DNAH11: variants seen among roughly 807,000 people sequenced by gnomAD.
DNAH11 encodes axonemal beta dynein heavy chain 11.
A neutral mutation model predicts 526.0 loss-of-function variants in DNAH11; 442 were observed. The observed-to-expected ratio is 0.84, with a 90% CI of 0.78 to 0.91. The LOEUF (loss-of-function observed/expected upper bound fraction) is 0.91, where lower values mean the gene tolerates loss of function less well. Among genes scored for constraint, DNAH11 ranks in the 40% least tolerant of loss-of-function variants. DNAH11 has a pLI of 0.00. For missense variants in DNAH11, 6,989 were observed against 5,448.7 expected (o/e 1.28, Z -8.90); for synonymous variants, 2,461 against 1,935.9 (o/e 1.27, Z -7.12).
intron 55 of DNAH11, among the ~76,000 whole-genome samples, chr7:21,772,597 G>C (rs982860579): frequency 1.3e-5 from 2 of 151,946 alleles, no homozygotes; most frequent in African/African-American, 4.8e-5. Flanking sequence ...TTCACTGTTT[G>C]GAAATATATT....
chr7:21,702,639 C>T lies in DNAH11; in HGVS notation c.6181-71C>T, dbSNP rs1583608576. The stretch of plus-strand genomic sequence containing the variant: ...TGAACTCCTTCTTAAAAACTTTCAG[C>T]TCTTACCTCTGGAATGAGAATCTTC... On this transcript the variant is annotated intron_variant, in intron 36 of 81. Coordinates refer to ENST00000409508, the MANE Select transcript of DNAH11 (RefSeq NM_001277115.2). 4 of 1,339,892 alleles carry T rather than the reference C, an allele frequency of 3.0e-6. No individual in the cohort carries two copies. In the East Asian group the frequency reaches 9.5e-5, roughly 32 times the overall value. The allele number at this position is 1,339,892 out of a possible 1,614,324, so 83.0% of individuals were successfully genotyped here. A position where few individuals can be genotyped will look rare whatever the true frequency, so the allele number is the denominator to read the frequency against.
rs1387113676 is a variant in DNAH11, at chr7:21,545,272, G to GT, written c.495+125dup. On this transcript the variant is annotated intron_variant, in intron 2 of 81. Coordinates refer to ENST00000409508, the MANE Select transcript of DNAH11 (RefSeq NM_001277115.2). ...AGGGGAAGGGAAGGGGATGGGGGTG[G>GT]TTAAAAAAAAAAAAAAAAAAAAAAG... is the stretch of plus-strand genomic sequence containing the variant. 29 of 112,872 alleles carry GT rather than the reference G, an allele frequency of 2.6e-4. 1 individual carries two copies. Among genetic ancestry groups the GT allele is most frequent in the Non-Finnish European group, 2.5e-5 (2 of 79,864 alleles). The allele number at this position is 112,872 out of a possible 1,614,324, so 7.0% of individuals were successfully genotyped here. A position where few individuals can be genotyped will look rare whatever the true frequency, so the allele number is the denominator to read the frequency against.
At chr7:21,651,951 C>T (rs983480156) in intron 28 of DNAH11, among the ~76,000 whole-genome samples, 2 of 152,250 alleles carry the variant, frequency 1.3e-5, no homozygotes, top group African/African-American at 4.8e-5. Context: ...CACACACAGA[C>T]AGCTAAGCTT....
Position 21,779,201 on chromosome 7 carries a change from C to G in DNAH11, c.9483+97C>G, listed in dbSNP as rs752665110. 18 of 1,400,960 alleles carry G rather than the reference C, an allele frequency of 1.3e-5. No homozygotes were observed. In the Admixed American group the frequency reaches 3.3e-4, roughly 26 times the overall value. 86.8% of individuals were successfully genotyped at this position (1,400,960 alleles called of 1,614,324 possible). A position where few individuals can be genotyped will look rare whatever the true frequency, so the allele number is the denominator to read the frequency against. ...TTTGAACAACTTCCTCTCCAGGGAG[C>G]ATAAAGTCTAAAGAATTATTATAGT... is the stretch of plus-strand genomic sequence containing the variant. On this transcript the variant is annotated intron_variant, in intron 57 of 81. Coordinates refer to ENST00000409508, the MANE Select transcript of DNAH11 (RefSeq NM_001277115.2).
chr7:21,582,649 C>G (rs1018983009), intron 9 of DNAH11, among the ~76,000 whole-genome samples: 2 of 151,978 alleles, frequency 1.3e-5, no homozygotes, highest in Non-Finnish European at 2.9e-5. Context: ...ATAGTGTCCC[C>G]AGATGAAAAG....
intron 35 of DNAH11, among the ~76,000 whole-genome samples, chr7:21,691,477 G>A (rs1230885804): frequency 6.6e-6 from 1 of 151,918 alleles, no homozygotes; most frequent in East Asian, 1.9e-4. Flanking sequence ...GCAAAGCCAG[G>A]GCCTAGCCCA....
Position 21,606,555 on chromosome 7 carries a change from C to A in DNAH11, c.3765+13C>A. ...TATTTTGTTTGACGTAAGCTAGTTA[C>A]CAAGTTTTTGTTTTAAGAAAGGTTT... On this transcript the variant is annotated intron_variant, in intron 19 of 81. Transcript: ENST00000409508. 6.3e-7 allele frequency: 1 copy of A among 1,595,696 alleles called. No homozygotes were observed.
chr7:21,551,982 C>A (rs926337532), intron 2 of DNAH11, among the ~76,000 whole-genome samples: 15 of 152,172 alleles, frequency 9.9e-5, no homozygotes, highest in Admixed American at 3.9e-4. Context: ...GTTAGGGCCC[C>A]ACCAAAGGTT....
Position 21,759,656 on chromosome 7 carries a change from T to C in DNAH11, c.8941-5772T>C, listed in dbSNP as rs115762299. 6.0e-3 allele frequency among the ~76,000 whole-genome samples: 908 copies of C among 152,144 alleles called. 13 individuals carry two copies. The highest frequency in any genetic ancestry group is 0.021 in the African/African-American group (861 of 41,440). Reference sequence around the variant, plus strand: ...TGAAGTAAATATGTAGGAGGGTTACTACCATCTGAGAATAAACTATATCAA... The same window carrying C: ...TGAAGTAAATATGTAGGAGGGTTACCACCATCTGAGAATAAACTATATCAA... On this transcript the variant is annotated intron_variant, in intron 54 of 81. Transcript: ENST00000409508.
rs568339531 is a variant in DNAH11, at chr7:21,698,192, C to T, written c.6159C>T (p.Cys2053=). Residue 2053 remains cysteine (C), a synonymous_variant, in exon 36 of 82, where the codon TGC becomes TGT. Transcript: ENST00000409508. ...AGTTCATTACGTTGTACACGCTTTG[C>T]AAGGAGCTTCTCTCCAAGCAGGTGA... ...ARKFITLYTL[C]KELLSKQDHY... 8 of 1,613,508 alleles carry T rather than the reference C, an allele frequency of 5.0e-6. No homozygotes were observed. The African/African-American group carries it at 9.3e-5, about 19-fold the overall frequency.
intron 35 of DNAH11, among the ~76,000 whole-genome samples, chr7:21,696,823 T>C (rs904810312): frequency 6.6e-6 from 1 of 152,124 alleles, no homozygotes; most frequent in Non-Finnish European, 1.5e-5. Flanking sequence ...CTCATAGTGT[T>C]GTGGGGATTA....
chr7:21,748,735 A>C lies in DNAH11; in HGVS notation c.8666A>C (p.Glu2889Ala), dbSNP rs1318754808. The C allele has an allele frequency of 6.2e-7, 1 of 1,613,090 alleles. No individual in the cohort carries two copies. Among genetic ancestry groups the C allele is most frequent in the Non-Finnish European group, 8.5e-7 (1 of 1,179,514 alleles). ...CTGACCGAGGGCTATGGAATCCAGGAACTTCGGGTGAGTCAAGGGGACAGG... is the reference window on the plus strand; with the variant it reads ...CTGACCGAGGGCTATGGAATCCAGGCACTTCGGGTGAGTCAAGGGGACAGG... ...ITLTEGYGIQ[E>A]LRVDLANLYI... The change falls in exon 52 of 82, where the codon GAA (glutamate) becomes GCA (alanine). Residue 2889 changes from glutamate (E) to alanine (A), a missense_variant. Transcript: ENST00000409508.
At chr7:21,695,292 T>A (rs1350304530) in intron 35 of DNAH11, among the ~76,000 whole-genome samples, 4 of 152,024 alleles carry the variant, frequency 2.6e-5, no homozygotes, top group Non-Finnish European at 5.9e-5. Flanking sequence ...CCAAGACAAT[T>A]CTAAGCAAAA....
chr7:21,657,266 T>A (rs1782052814), intron 29 of DNAH11, among the ~76,000 whole-genome samples: 1 of 152,176 alleles, frequency 6.6e-6, no homozygotes, highest in Non-Finnish European at 1.5e-5. Context: ...CTACTATGCA[T>A]CAGATGCTAG....
At position 21,699,532 on chromosome 7, in the gene DNAH11, T is replaced by G. The variant is rs575291721; in HGVS notation, c.6180+1319T>G. ...TTACCTTACTGCCACGTATTTATTT[T>G]AACTTGCTCATTGTTAGGGCAAAAT... On this transcript the variant is annotated intron_variant, in intron 36 of 81. Coordinates refer to ENST00000409508, the MANE Select transcript of DNAH11 (RefSeq NM_001277115.2). Among the ~76,000 whole-genome samples the G allele has an allele frequency of 1.1e-4, 17 of 152,322 alleles. No homozygotes were observed. The South Asian group carries it at 3.5e-3, about 32-fold the overall frequency.
chr7:21,783,833 C>G (rs1273466824), intron 57 of DNAH11, among the ~76,000 whole-genome samples: 18 of 152,156 alleles, frequency 1.2e-4, no homozygotes, highest in Admixed American at 1.1e-3. Context: ...TGGGCTCTTG[C>G]ATCTCTGGTT....
chr7:21,769,599 C>G (rs1787335773), intron 55 of DNAH11, among the ~76,000 whole-genome samples: 1 of 152,098 alleles, frequency 6.6e-6, no homozygotes, highest in South Asian at 2.1e-4. Context: ...ATTCTCCTGC[C>G]TCAGCCTCCT....
chr7:21,844,555 A>G (rs577386486), intron 66 of DNAH11, among the ~76,000 whole-genome samples: 1 of 152,334 alleles, frequency 6.6e-6, no homozygotes, highest in East Asian at 1.9e-4. Flanking sequence ...AGCCAAAAGT[A>G]TTTATTATCT....
At chr7:21,847,572 C>T (rs1782463878) in intron 66 of DNAH11, among the ~76,000 whole-genome samples, 1 of 151,980 alleles carries the variant, frequency 6.6e-6, no homozygotes, top group Non-Finnish European at 1.5e-5. Context: ...TCTTTTAAAC[C>T]TTTTTGGTGT....
Sources: gnomAD v4.1 joint callset for allele counts (sites outside exome capture counted in the v4.1 genomes callset) on GRCh38, gnomAD v4.1.1 for gene constraint, MANE v1.5 for transcripts, NCBI Gene and HGNC (gene_info 2026-07-23, HGNC 2026-07-21) for gene names.